The following CSMD3 variants were observed in gnomAD, a reference collection of about 807,000 sequenced individuals.
The protein encoded by CSMD3 is CUB and sushi domain-containing protein 3.
Under a neutral mutation model 435.2 loss-of-function variants are expected in CSMD3, and 177 were observed. The observed-to-expected ratio is 0.41, with a 90% CI of 0.36 to 0.46. The LOEUF (loss-of-function observed/expected upper bound fraction) is 0.46. CSMD3 is among the 20% of genes least tolerant of loss of function. CSMD3 has a pLI of 0.34. For synonymous variants in CSMD3, 1,656 were observed against 1,520.5 expected (o/e 1.09, Z -2.07); for missense variants, 4,265 against 4,504.6 (o/e 0.95, Z 1.52).
intron 5 of CSMD3, among the ~76,000 whole-genome samples, chr8:113,053,079 A>G (rs1170095318): frequency 3.3e-5 from 5 of 152,172 alleles, no homozygotes; most frequent in South Asian, 4.1e-4. Flanking sequence ...GCCAACAAAT[A>G]GGCTTCCCCT....
At chr8:112,712,627 T>C (rs2076632963) in intron 13 of CSMD3, among the ~76,000 whole-genome samples, 1 of 152,120 alleles carries the variant, frequency 6.6e-6, no homozygotes, top group South Asian at 2.1e-4. Context: ...TTTTGGGGTA[T>C]ATTCGGAATC....
intron 3 of CSMD3, among the ~76,000 whole-genome samples, chr8:113,181,110 G>A (rs1306122094): frequency 1.3e-5 from 2 of 151,870 alleles, no homozygotes; most frequent in Non-Finnish European, 2.9e-5. Flanking sequence ...AGAAATAAGA[G>A]CAAGACAGTA....
intron 32 of CSMD3, among the ~76,000 whole-genome samples, chr8:112,463,776 G>A (rs1298828346): frequency 1.3e-5 from 2 of 152,142 alleles, no homozygotes; most frequent in Non-Finnish European, 2.9e-5. Flanking sequence ...TTGGTTGTGT[G>A]TGTCAAGCAG....
At chr8:112,236,075 T>A (rs1460486219) in intron 67 of CSMD3, among the ~76,000 whole-genome samples, 1 of 151,990 alleles carries the variant, frequency 6.6e-6, no homozygotes, top group Non-Finnish European at 1.5e-5. Context: ...AAAATTATAC[T>A]ACATATTAAC....
rs2087091102 is a variant in CSMD3 at position 113,031,129 on chromosome 8, T to C, written c.918-11950A>G. ...TTGCACTTGCCATGCAATTCTGAAA[T>C]TGTACTATTGAGTACTCATTATCCC... On this transcript the variant is annotated intron_variant, in intron 5 of 70. Transcript: ENST00000297405. 2.0e-5 allele frequency among the ~76,000 whole-genome samples: 3 copies of C among 151,648 alleles called. No individual in the cohort carries two copies. In the South Asian group the frequency reaches 6.3e-4, roughly 32 times the overall value.
chr8:112,562,471 C>T (rs1049363645), intron 24 of CSMD3, among the ~76,000 whole-genome samples: 3 of 150,424 alleles, frequency 2.0e-5, no homozygotes, highest in African/African-American at 7.3e-5. Flanking sequence ...GTTTCATGTG[C>T]TAATAGTAAA....
intron 1 of CSMD3, among the ~76,000 whole-genome samples, chr8:113,407,551 TA>T (rs1246230078): frequency 6.6e-6 from 1 of 151,814 alleles, no homozygotes; most frequent in Non-Finnish European, 1.5e-5. Flanking sequence ...GATACATACA[TA>T]CACACACACA....
At chr8:112,746,046 G>T (rs1029315921) in intron 13 of CSMD3, among the ~76,000 whole-genome samples, 1 of 152,096 alleles carries the variant, frequency 6.6e-6, no homozygotes, top group African/African-American at 2.4e-5. Context: ...TTTTCAGTAT[G>T]GGAAACTCAT....
At chr8:112,813,317 G>A (rs899469586) in intron 12 of CSMD3, among the ~76,000 whole-genome samples, 1 of 152,150 alleles carries the variant, frequency 6.6e-6, no homozygotes, top group African/African-American at 2.4e-5. Context: ...TGTTACCAGA[G>A]TGAAAAACAA....
intron 1 of CSMD3, among the ~76,000 whole-genome samples, chr8:113,408,713 A>G (rs1417481609): frequency 1.3e-5 from 2 of 149,966 alleles, no homozygotes; most frequent in Non-Finnish European, 2.9e-5. Context: ...GTTGGCGTGC[A>G]GGGGCGAAAT....
chr8:112,982,213 C>T (rs1266466745), intron 6 of CSMD3, among the ~76,000 whole-genome samples: 4 of 151,794 alleles, frequency 2.6e-5, no homozygotes, highest in African/African-American at 7.2e-5. Context: ...TGCAAATCCA[C>T]AAAAACACAC....
chr8:113,036,456 G>C (rs2087356206), intron 5 of CSMD3, among the ~76,000 whole-genome samples: 1 of 151,944 alleles, frequency 6.6e-6, no homozygotes, highest in Admixed American at 6.6e-5. Context: ...CAGTAGACAT[G>C]TGTGTCTTCA....
At chr8:112,704,930 G>A (rs2076466470) in intron 13 of CSMD3, among the ~76,000 whole-genome samples, 1 of 151,964 alleles carries the variant, frequency 6.6e-6, no homozygotes, top group South Asian at 2.1e-4. Flanking sequence ...ACAATTAAAT[G>A]GGATATAGTG....
intron 13 of CSMD3, among the ~76,000 whole-genome samples, chr8:112,704,764 C>T (rs865884426): frequency 6.6e-6 from 1 of 152,050 alleles, no homozygotes; most frequent in Non-Finnish European, 1.5e-5. Flanking sequence ...ATATAATTTA[C>T]AAATGTACGT....
At chr8:112,866,841 G>A (rs893462669) in intron 10 of CSMD3, among the ~76,000 whole-genome samples, 5 of 152,072 alleles carry the variant, frequency 3.3e-5, no homozygotes, top group African/African-American at 4.8e-5. Context: ...AGTTTCTATC[G>A]CTTCTAGAAA....
intron 5 of CSMD3, 82 bp from the exon 6 acceptor site, chr8:113,019,261 T>G (rs2086592514): frequency 1.2e-6 from 1 of 836,226 alleles, no homozygotes; most frequent in Non-Finnish European, 2.1e-6. Flanking sequence ...ACCAAACAAA[T>G]GTCCAACTAT....
At chr8:113,318,211 C>G (rs1366748298) in intron 1 of CSMD3, among the ~76,000 whole-genome samples, 1 of 152,118 alleles carries the variant, frequency 6.6e-6, no homozygotes, top group African/African-American at 2.4e-5. Context: ...GTTTCTGGCA[C>G]CACTGTATGA....
intron 10 of CSMD3, among the ~76,000 whole-genome samples, chr8:112,915,288 GT>G (rs1197892257): frequency 6.6e-6 from 1 of 151,562 alleles, no homozygotes; most frequent in East Asian, 1.9e-4. Context: ...TACTAATATG[GT>G]TATTGCAGTC....
intron 32 of CSMD3, among the ~76,000 whole-genome samples, chr8:112,468,463 C>A (rs1818194482): frequency 6.6e-6 from 1 of 152,018 alleles, no homozygotes; most frequent in Non-Finnish European, 1.5e-5. Context: ...GAAATCTACA[C>A]ATTTATTCCC....
Sources: allele counts gnomAD v4.1 joint callset (sites outside exome capture counted in the v4.1 genomes callset), GRCh38; gene constraint gnomAD v4.1.1; transcripts MANE v1.5; gene names NCBI Gene and HGNC (gene_info 2026-07-23, HGNC 2026-07-21).